Variants in COG4 observed in about 807,000 individuals in gnomAD.
The protein encoded by COG4 is component of oligomeric golgi complex 4.
Under a neutral mutation model 95.1 loss-of-function variants are expected in COG4, and 65 were observed. That is an observed-to-expected ratio of 0.68 (90% CI 0.56 to 0.84). The LOEUF (loss-of-function observed/expected upper bound fraction) is 0.84. Ranked by LOEUF, COG4 falls within the 40% of genes least tolerant of loss-of-function variation. COG4 has a pLI of 0.00. For synonymous variants in COG4, 421 were observed against 374.8 expected, an observed-to-expected ratio of 1.12 and a Z score of -1.42; for missense variants, 1,045 against 989.1, an observed-to-expected ratio of 1.06 and a Z score of -0.76.
intron 3 of COG4, chr16:70,515,957 C>T: frequency 2.2e-6 from 1 of 455,516 alleles, no homozygotes; most frequent in Non-Finnish European, 4.4e-6. Flanking sequence ...GCATGAGCCA[C>T]CACACCTGGC....
At chr16:70,494,295 T>A (rs540140193) in intron 12 of COG4, among the ~76,000 whole-genome samples, 4 of 152,204 alleles carry the variant, frequency 2.6e-5, no homozygotes, top group Admixed American at 1.3e-4. Flanking sequence ...TTTCAAAGTT[T>A]CCCCTGTACT....
chr16:70,520,301 G>T (rs1358798930), intron 1 of COG4, among the ~76,000 whole-genome samples: 1 of 150,580 alleles, frequency 6.6e-6, no homozygotes, highest in African/African-American at 2.4e-5. Flanking sequence ...AAATTAGCCG[G>T]GTGTGGTGGC....
Position 70,508,466 on chromosome 16 carries a change from T to A in COG4, c.1003-2A>T. Reference sequence around the variant, plus strand: ...CAGGTTGTTCTGAACATGCCGGAACTGCAACATACCACAGGAATGAGAATA... The same window carrying A: ...CAGGTTGTTCTGAACATGCCGGAACAGCAACATACCACAGGAATGAGAATA... On this transcript the variant is annotated splice_acceptor_variant, in intron 7 of 18. Transcript: ENST00000323786. LOFTEE classifies it high-confidence loss of function. The A allele has an allele frequency of 6.2e-7, 1 of 1,613,816 alleles. No individual in the cohort carries two copies.
intron 17 of COG4, 71 bp downstream of exon 17, chr16:70,481,693 G>T (rs558594911): frequency 9.1e-6 from 13 of 1,425,550 alleles, no homozygotes; most frequent in Non-Finnish European, 1.1e-5. Context: ...GCAAGTCCTG[G>T]GGGTGGTGGC....
At chr16:70,523,337 G>A (rs747115792) in intron 1 of COG4, 36 bp downstream of exon 1, 3 of 1,613,000 alleles carry the variant, frequency 1.9e-6, no homozygotes, top group Middle Eastern at 1.7e-4. Context: ...ACTCTCCCTA[G>A]ATCCTCCATG....
rs746809806 is a variant in COG4, at chr16:70,490,402, G to A, written c.1648-10C>T. ...CGTTGTTCAGAGTCACCTGGGAGAT[G>A]AGGAAGGAAGAACGTGACTTCCTGC... On this transcript the variant is annotated splice_polypyrimidine_tract_variant and intron_variant, in intron 12 of 18. Coordinates refer to ENST00000323786, the MANE Select transcript of COG4 (RefSeq NM_015386.3). 1 of 1,612,574 alleles carries A rather than the reference G, an allele frequency of 6.2e-7. No individual in the cohort carries two copies. The highest frequency in any genetic ancestry group is 1.1e-5 in the South Asian group (1 of 91,006).
intron 1 of COG4, 103 bp from the exon 2 acceptor site, chr16:70,519,834 CT>C: frequency 2.3e-6 from 2 of 855,430 alleles, no homozygotes; most frequent in Non-Finnish European, 1.9e-6. Flanking sequence ...TTTCCAAGTC[CT>C]TTTTTCCTTC....
intron 13 of COG4, among the ~76,000 whole-genome samples, chr16:70,487,298 A>T (rs1450009580): frequency 6.8e-6 from 1 of 147,556 alleles, no homozygotes; most frequent in Admixed American, 6.8e-5. Context: ...AATAAAAATA[A>T]AAAAAAAAAA....
In COG4 at chr16:70,508,415, A is replaced by AT. The variant is rs773477666; in HGVS notation, c.1051dup (p.Ile351AsnfsTer12). On this transcript the variant is annotated frameshift_variant, in exon 8 of 19. Coordinates refer to ENST00000323786, the MANE Select transcript of COG4 (RefSeq NM_015386.3). LOFTEE classifies it high-confidence loss of function. Reference sequence around the variant, plus strand: ...AGAGAAGGATTATTACCTTGGTTCGATTTTTTCTGTTGTAGAATTTCTCAT... The same window carrying AT: ...AGAGAAGGATTATTACCTTGGTTCGATTTTTTTCTGTTGTAGAATTTCTCAT... The AT allele has an allele frequency of 6.2e-7, 1 of 1,613,866 alleles. No individual in the cohort carries two copies. Among genetic ancestry groups the AT allele is most frequent in the Non-Finnish European group, 8.5e-7 (1 of 1,179,880 alleles).
intron 9 of COG4, among the ~76,000 whole-genome samples, chr16:70,498,990 G>A (rs986029184): frequency 6.6e-6 from 1 of 152,152 alleles, no homozygotes; most frequent in African/African-American, 2.4e-5. Flanking sequence ...CAAGGCGCGA[G>A]GATCGCTTGG....
chr16:70,489,135 C>G (rs1313594902), intron 13 of COG4, among the ~76,000 whole-genome samples: 3 of 152,112 alleles, frequency 2.0e-5, no homozygotes, highest in Non-Finnish European at 4.4e-5. Flanking sequence ...CAGCTACTAG[C>G]TTTGTATAGG....
intron 12 of COG4, 81 bp downstream of exon 12, chr16:70,496,185 G>T: frequency 1.4e-6 from 2 of 1,454,500 alleles, no homozygotes; most frequent in Non-Finnish European, 1.9e-6. Context: ...CTAGCTAGAG[G>T]CCAATTATAC....
Position 70,517,632 on chromosome 16 carries a change from C to G in COG4, c.363G>C (p.Leu121=). ...NVSSKVRQLD[L]AKNRLYQAIQ... ...AAAAAGCTTGATGTATTACCTTGGC[C>G]AGGTCAAGCTGACGAACTTTGCTGG... is the stretch of plus-strand genomic sequence containing the variant. The change falls in exon 3 of 19, where the codon CTG becomes CTC. Residue 121 remains leucine (L), a synonymous_variant. Coordinates refer to ENST00000323786, the MANE Select transcript of COG4 (RefSeq NM_015386.3). 1 of 1,530,906 alleles carries G rather than the reference C, an allele frequency of 6.5e-7. No homozygotes were observed. Among genetic ancestry groups the G allele is most frequent in the Non-Finnish European group, 9.0e-7 (1 of 1,107,148 alleles). The allele number at this position is 1,530,906 out of a possible 1,614,324, so 94.8% of individuals were successfully genotyped here. A position where few individuals can be genotyped will look rare whatever the true frequency, so the allele number is the denominator to read the frequency against.
chr16:70,508,674 CTG>C, intron 7 of COG4: 1 of 672,474 alleles, frequency 1.5e-6, no homozygotes, highest in East Asian at 2.8e-5. Context: ...ACCTCTATTA[CTG>C]TGCTTAAAAG....
chr16:70,487,927 C>T (rs113372383), intron 13 of COG4, among the ~76,000 whole-genome samples: 18,368 of 151,870 alleles, frequency 0.12, 3,671 homozygotes, highest in African/African-American at 0.42. Flanking sequence ...CAGGTTCAAG[C>T]GATTCTCCTG....
intron 1 of COG4, 139 bp downstream of exon 1, chr16:70,523,234 C>A: frequency 9.6e-7 from 1 of 1,038,756 alleles, no homozygotes; most frequent in Non-Finnish European, 1.5e-6. Flanking sequence ...ACTCATATAC[C>A]CGACTAGCTT....
intron 5 of COG4, 36 bp downstream of exon 5, chr16:70,512,203 C>T (rs747095081): frequency 6.3e-7 from 1 of 1,599,794 alleles, no homozygotes; most frequent in Admixed American, 1.7e-5. Context: ...GGCAGACAGC[C>T]ACACAATTAT....
At position 70,514,632 on chromosome 16, in the gene COG4, C is replaced by T. The variant is rs8057732; in HGVS notation, c.370-123G>A. The T allele has an allele frequency of 0.037, 28,350 of 769,142 alleles. 5,163 individuals are homozygous for T. The African/African-American group carries it at 0.41, about 11-fold the overall frequency. 47.6% of individuals were successfully genotyped at this position (769,142 alleles called of 1,614,324 possible). A position where few individuals can be genotyped will look rare whatever the true frequency, so the allele number is the denominator to read the frequency against. ...ATGTCAATAGCAATCTCACAAACACCACCACTACTGTTAACGCAACTGTTA... is the reference window on the plus strand; with the variant it reads ...ATGTCAATAGCAATCTCACAAACACTACCACTACTGTTAACGCAACTGTTA... On this transcript the variant is annotated intron_variant, in intron 3 of 18. Transcript: ENST00000323786.
chr16:70,507,112 A>G (rs957184892), intron 8 of COG4, among the ~76,000 whole-genome samples: 4 of 151,972 alleles, frequency 2.6e-5, no homozygotes, highest in Non-Finnish European at 5.9e-5. Context: ...CCAGCTACTG[A>G]TATGTGTCCC....
Sources: gnomAD v4.1 joint callset for allele counts (sites outside exome capture counted in the v4.1 genomes callset) on GRCh38, gnomAD v4.1.1 for gene constraint, MANE v1.5 for transcripts, NCBI Gene and HGNC (gene_info 2026-07-23, HGNC 2026-07-21) for gene names.